Variants in RSF1 observed in about 807,000 individuals in gnomAD.
RSF1 encodes HBV pX-associated protein 8.
RSF1 carries 13 observed loss-of-function variants against 145.2 expected under a neutral mutation model. The observed-to-expected ratio is 0.09, with a 90% confidence interval of 0.06 to 0.14. RSF1 has a LOEUF of 0.14. Ranked by LOEUF, RSF1 falls within the 10% of genes least tolerant of loss-of-function variation. The pLI, the probability that RSF1 is intolerant of heterozygous loss-of-function variation, is 1.00. For missense variants in RSF1, 1,517 were observed against 1,718.2 expected (o/e 0.88, Z 2.07); for synonymous variants, 577 against 592.6 (o/e 0.97, Z 0.38).
chr11:77,731,510 CCT>C (rs1961206288), intron 4 of RSF1, among the ~76,000 whole-genome samples: 3 of 152,292 alleles, frequency 2.0e-5, no homozygotes, highest in Admixed American at 2.0e-4. Flanking sequence ...AAATGTTATC[CCT>C]GAGACAATGG....
intron 8 of RSF1, chr11:77,691,696 G>A (rs1001615530): frequency 2.0e-5 from 3 of 152,616 alleles, no homozygotes; most frequent in Non-Finnish European, 2.9e-5. Flanking sequence ...ATCCCAACCA[G>A]TTACAGATTT....
chr11:77,687,654 C>T (rs1184445470), intron 9 of RSF1, among the ~76,000 whole-genome samples: 1 of 152,050 alleles, frequency 6.6e-6, no homozygotes, highest in Non-Finnish European at 1.5e-5. Context: ...TTGCAGTTAT[C>T]GTGCCACTGC....
chr11:77,820,807 C>T (rs1372992965), upstream of RSF1: 6 of 1,327,310 alleles, frequency 4.5e-6, no homozygotes, highest in East Asian at 7.6e-5. Context: ...CGACAGGAGG[C>T]GCTCTCAAGT....
At chr11:77,836,391 G>A in the RSF1 span, among the ~76,000 whole-genome samples, 2 of 152,004 alleles carry the variant, frequency 1.3e-5, no homozygotes, top group Non-Finnish European at 2.9e-5. Context: ...GAGATAGCAG[G>A]TGTGCCCATG....
intron 4 of RSF1, among the ~76,000 whole-genome samples, chr11:77,730,693 T>TG (rs1209072487): frequency 1.3e-5 from 2 of 152,194 alleles, no homozygotes; most frequent in Non-Finnish European, 2.9e-5. Context: ...GATTGAATTA[T>TG]GGGATGTGTC....
intron 2 of RSF1, among the ~76,000 whole-genome samples, chr11:77,754,427 C>T (rs1948095361): frequency 6.6e-6 from 1 of 151,910 alleles, no homozygotes; most frequent in Non-Finnish European, 1.5e-5. Flanking sequence ...TGTAGGGAGA[C>T]TCTGTGTCTA....
chr11:77,734,935 G>A (rs1961306080), intron 4 of RSF1: 3 of 1,591,282 alleles, frequency 1.9e-6, no homozygotes, highest in Admixed American at 1.7e-5. Context: ...AACGTAGGAG[G>A]CACAGAGCTC....
At chr11:77,675,826 T>C (rs942155387) in intron 13 of RSF1, among the ~76,000 whole-genome samples, 4 of 152,260 alleles carry the variant, frequency 2.6e-5, no homozygotes, top group Admixed American at 6.5e-5. Context: ...TCCAAATGAA[T>C]GCCAGGATGA....
chr11:77,869,949 GTGGCTGCACACATTCCTC>G, the RSF1 span: 1 of 755,526 alleles, frequency 1.3e-6, no homozygotes, highest in Non-Finnish European at 2.2e-6. Context: ...CAGGATAGCA[GTGGCTGCACACATTCCTC>G]TGCCTCATCA....
chr11:77,680,616 A>G (rs1238304856), intron 11 of RSF1, among the ~76,000 whole-genome samples: 1 of 152,196 alleles, frequency 6.6e-6, no homozygotes, highest in Non-Finnish European at 1.5e-5. Flanking sequence ...TCTGAGTTAG[A>G]ATATATAATT....
At chr11:77,673,735 T>C (rs1332254683) in intron 14 of RSF1, among the ~76,000 whole-genome samples, 1 of 152,156 alleles carries the variant, frequency 6.6e-6, no homozygotes, top group East Asian at 1.9e-4. Flanking sequence ...ACTTATTAAT[T>C]ATAAGGAAAA....
At chr11:77,714,706 G>A (rs1385356012) in intron 5 of RSF1, among the ~76,000 whole-genome samples, 1 of 152,216 alleles carries the variant, frequency 6.6e-6, no homozygotes, top group East Asian at 1.9e-4. Flanking sequence ...GCTAAGCGCA[G>A]TGGCGCATGC....
Position 77,690,297 on chromosome 11 carries a change from G to A in RSF1, c.2900+862C>T, listed in dbSNP as rs551946267. Among the ~76,000 whole-genome samples the A allele has an allele frequency of 9.2e-5, 14 of 152,088 alleles. 1 individual carries two copies. The South Asian group carries it at 2.9e-3, about 32-fold the overall frequency. ...ATTTAATACTCTTTATTTCACCAAT[G>A]TTAGCTGCCCACCCAAGGAGATGAC... On this transcript the variant is annotated intron_variant, in intron 9 of 15. Coordinates refer to ENST00000308488, the MANE Select transcript of RSF1 (RefSeq NM_016578.4).
At chr11:77,850,771 CACAT>C in the RSF1 span, 1 of 102,968 alleles carries the variant, frequency 9.7e-6, no homozygotes, top group African/African-American at 4.9e-5. Flanking sequence ...AACACACACA[CACAT>C]ACACACACAT....
chr11:77,830,947 T>A, the RSF1 span, among the ~76,000 whole-genome samples: 1 of 144,466 alleles, frequency 6.9e-6, no homozygotes, highest in Admixed American at 7.2e-5. Context: ...TTGAGACCAT[T>A]CTGGGAAACA....
At chr11:77,858,299 ATTC>A in the RSF1 span, among the ~76,000 whole-genome samples, 1 of 91,584 alleles carries the variant, frequency 1.1e-5, no homozygotes, top group East Asian at 3.2e-4. Context: ...CGTTTAAGCA[ATTC>A]TTTTTTTTTT....
At chr11:77,833,540 G>A in the RSF1 span, among the ~76,000 whole-genome samples, 26 of 152,214 alleles carry the variant, frequency 1.7e-4, no homozygotes, top group African/African-American at 4.1e-4. Flanking sequence ...ACAAAGTATC[G>A]CTCACTCACC....
In RSF1 at chr11:77,816,275, T is replaced by G. The variant is rs575790301; in HGVS notation, c.187+4253A>C. The stretch of plus-strand genomic sequence containing the variant: ...TAGTACATGCACCTGGTAAAATCTT[T>G]TGTTTAAATCAACACATGTGGCCCC... On this transcript the variant is annotated intron_variant, in intron 1 of 15. Transcript: ENST00000308488. 1.2e-4 allele frequency among the ~76,000 whole-genome samples: 18 copies of G among 152,308 alleles called. 1 individual carries two copies. In the South Asian group the frequency reaches 3.5e-3, roughly 30 times the overall value.
upstream of RSF1, chr11:77,821,113 T>C (rs1171191211): frequency 4.6e-6 from 2 of 438,954 alleles, no homozygotes; most frequent in African/African-American, 2.0e-5. Context: ...CCTCGGGCGC[T>C]GTTCAACTGC....
Sources: gnomAD v4.1 joint callset for allele counts (sites outside exome capture counted in the v4.1 genomes callset) on GRCh38, gnomAD v4.1.1 for gene constraint, MANE v1.5 for transcripts, NCBI Gene and HGNC (gene_info 2026-07-23, HGNC 2026-07-21) for gene names.